The following CSNK1A1 variants were observed in gnomAD, a reference collection of about 807,000 sequenced individuals.
CSNK1A1 encodes casein kinase 1 alpha 1.
CSNK1A1 carries 7 observed loss-of-function variants against 46.1 expected under a neutral mutation model. The observed-to-expected ratio is 0.15, with a 90% CI of 0.09 to 0.29. The LOEUF is 0.29. CSNK1A1 is among the 10% of genes least tolerant of loss of function. The probability of loss-of-function intolerance (pLI) is 1.00; values close to 1 mark genes in which losing one functional copy is unlikely to be tolerated. For missense variants in CSNK1A1, 96 were observed against 417.1 expected, an observed-to-expected ratio of 0.23 and a Z score of 6.71; for synonymous variants, 137 against 141.5, an observed-to-expected ratio of 0.97 and a Z score of 0.23.
rs1761710909 is a variant in CSNK1A1, at chr5:149,525,789, AG to A, written c.231-619del. The stretch of plus-strand genomic sequence containing the variant: ...TGTATACAATGTGTCCCTAATAAGA[AG>A]TATCAACTGCCAATTTCATTTATCC... On this transcript the variant is annotated intron_variant, in intron 2 of 9. Transcript: ENST00000377843. The surrounding 1 kb of genome is among the most constrained non-coding windows in gnomAD (Gnocchi z 4.2). Among the ~76,000 whole-genome samples the A allele has an allele frequency of 6.6e-6, 1 of 152,234 alleles. No individual in the cohort carries two copies. Among genetic ancestry groups the A allele is most frequent in the Non-Finnish European group, 1.5e-5 (1 of 68,042 alleles).
chr5:149,539,868 T>C (rs1437338276), intron 2 of CSNK1A1, among the ~76,000 whole-genome samples: 1 of 152,164 alleles, frequency 6.6e-6, no homozygotes, highest in African/African-American at 2.4e-5. Flanking sequence ...ACATACTTTA[T>C]AAGAAACACC....
At chr5:149,528,616 A>G (rs1333730006) in intron 2 of CSNK1A1, among the ~76,000 whole-genome samples, 2 of 152,146 alleles carry the variant, frequency 1.3e-5, no homozygotes, top group African/African-American at 4.8e-5. Flanking sequence ...GCTTTTCTCT[A>G]CCTTCAATCC....
intron 7 of CSNK1A1, among the ~76,000 whole-genome samples, chr5:149,508,258 T>C (rs1346570430): frequency 1.3e-5 from 2 of 152,336 alleles, no homozygotes; most frequent in Admixed American, 6.5e-5. Context: ...GGGTGACCAC[T>C]TGAAACATAT....
chr5:149,538,455 A>C (rs1366502331), intron 2 of CSNK1A1, among the ~76,000 whole-genome samples: 5 of 152,204 alleles, frequency 3.3e-5, no homozygotes, highest in Non-Finnish European at 7.3e-5. Context: ...AGAGTCTCAA[A>C]CTATCAGAGC....
At chr5:149,533,015 T>C (rs1761948554) in intron 2 of CSNK1A1, among the ~76,000 whole-genome samples, 1 of 152,230 alleles carries the variant, frequency 6.6e-6, no homozygotes, top group African/African-American at 2.4e-5. Flanking sequence ...TCCCTCTTCT[T>C]GCTGCCTTGT....
Position 149,494,884 on chromosome 5 carries a change from C to G in CSNK1A1, c.*1969G>C, listed in dbSNP as rs1479486437. The G allele has an allele frequency of 6.6e-6, 1 of 152,170 alleles. No homozygotes were observed. Among genetic ancestry groups the G allele is most frequent in the Non-Finnish European group, 1.5e-5 (1 of 68,032 alleles). 9.4% of individuals were successfully genotyped at this position (152,170 alleles called of 1,614,324 possible). A position where few individuals can be genotyped will look rare whatever the true frequency, so the allele number is the denominator to read the frequency against. On this transcript the variant is annotated 3_prime_UTR_variant, in exon 10 of 10. Transcript: ENST00000377843. ...AAATATTTCAGAAAAAGTGCATAGT[C>G]TAAGTGCATAGTAAATAAAAGCACT...
Position 149,545,471 on chromosome 5 carries a change from G to T in CSNK1A1, c.230+4604C>A. On this transcript the variant is annotated intron_variant, in intron 2 of 9. Transcript: ENST00000377843. ...TGGAGCTGCAGCCTGGGCCTTGGTT[G>T]ATCCTTGGCCTTTGGCCCACACAGT... The T allele has an allele frequency of 1.1e-5, 6 of 547,700 alleles. 1 individual carries two copies. The South Asian group carries it at 1.4e-4, about 13-fold the overall frequency. The allele number at this position is 547,700 out of a possible 1,614,324, so 33.9% of individuals were successfully genotyped here.
At chr5:149,503,615 C>T in intron 9 of CSNK1A1, 1 of 985,144 alleles carries the variant, frequency 1.0e-6, no homozygotes, top group Non-Finnish European at 1.2e-6. Flanking sequence ...AGCTACAATA[C>T]AAAATAAGGA....
In CSNK1A1 at chr5:149,500,177, G is replaced by A. The variant is rs1234110358; in HGVS notation, c.1007-3317C>T. Among the ~76,000 whole-genome samples, 15 of 117,832 alleles carry A rather than the reference G, an allele frequency of 1.3e-4. No individual in the cohort carries two copies. In the Admixed American group the frequency reaches 1.3e-3, roughly 10 times the overall value. 77.3% of individuals were successfully genotyped at this position (117,832 alleles called of 152,430 possible). On this transcript the variant is annotated intron_variant, in intron 9 of 9. Coordinates refer to ENST00000377843, the MANE Select transcript of CSNK1A1 (RefSeq NM_001892.6). ...TTTTGAGATGGAGTCTTGCTCTGTC[G>A]CCCAGGCTGGAGTGCAGTGGCGCGA...
chr5:149,535,946 A>G (rs1762048978), intron 2 of CSNK1A1, among the ~76,000 whole-genome samples: 1 of 151,684 alleles, frequency 6.6e-6, no homozygotes, highest in African/African-American at 2.4e-5. Flanking sequence ...ACACCCAGCC[A>G]CCAAATGGCT....
At chr5:149,544,737 T>TTATATA (rs375444306) in intron 2 of CSNK1A1, among the ~76,000 whole-genome samples, 3,182 of 80,702 alleles carry the variant, frequency 0.039, 214 homozygotes, top group East Asian at 0.17. Flanking sequence ...GTAAAGAGCT[T>TTATATA]TATATATATA....
chr5:149,528,303 T>C (rs554027977), intron 2 of CSNK1A1, among the ~76,000 whole-genome samples: 1 of 152,348 alleles, frequency 6.6e-6, no homozygotes, highest in South Asian at 2.1e-4. Flanking sequence ...TTTTACCTTG[T>C]GGAGCAACCA....
intron 2 of CSNK1A1, among the ~76,000 whole-genome samples, chr5:149,547,872 GTTTT>G (rs1293139845): frequency 6.7e-6 from 1 of 149,774 alleles, no homozygotes; most frequent in Non-Finnish European, 1.5e-5. Flanking sequence ...TTTTTGTTGT[GTTTT>G]TTTGTGTTTT....
chr5:149,528,584 G>A (rs1761791748), intron 2 of CSNK1A1, among the ~76,000 whole-genome samples: 1 of 152,082 alleles, frequency 6.6e-6, no homozygotes, highest in Non-Finnish European at 1.5e-5. Flanking sequence ...TCACCTCCAT[G>A]CTTCCCACGT....
rs375208560 is a variant in CSNK1A1, at chr5:149,493,061, G to A, written c.*3792C>T. The A allele has an allele frequency of 2.6e-5, 4 of 152,280 alleles. No homozygotes were observed. The highest frequency in any genetic ancestry group is 9.6e-5 in the African/African-American group (4 of 41,572). The allele number at this position is 152,280 out of a possible 1,614,324, so 9.4% of individuals were successfully genotyped here. A position where few individuals can be genotyped will look rare whatever the true frequency, so the allele number is the denominator to read the frequency against. ...CTTCAAGTGGCTCCTGTGCCCTTTT[G>A]ACATGTATCCACCTTTTTGTTGTTG... On this transcript the variant is annotated 3_prime_UTR_variant, in exon 10 of 10. Coordinates refer to ENST00000377843, the MANE Select transcript of CSNK1A1 (RefSeq NM_001892.6).
At chr5:149,533,467 T>C (rs1297317770) in intron 2 of CSNK1A1, among the ~76,000 whole-genome samples, 3 of 152,166 alleles carry the variant, frequency 2.0e-5, no homozygotes, top group African/African-American at 7.2e-5. Flanking sequence ...GGCTGAAGTC[T>C]GGTGCTCACA....
rs114805449 is a variant in CSNK1A1, at chr5:149,526,780, G to C, written c.231-1609C>G. On this transcript the variant is annotated intron_variant, in intron 2 of 9. Transcript: ENST00000377843. ...ATTTCAGGCATAGCACCTGAGAAAG[G>C]GGGGGGAGCCTCAAATCAGTCAGCT... Among the ~76,000 whole-genome samples, 1,475 of 150,062 alleles carry C rather than the reference G, an allele frequency of 9.8e-3. 19 individuals carry two copies. Among genetic ancestry groups the C allele is most frequent in the African/African-American group, 0.035 (1,371 of 39,568 alleles).
At chr5:149,503,966 G>C in intron 9 of CSNK1A1, 3 of 985,422 alleles carry the variant, frequency 3.0e-6, no homozygotes, top group Non-Finnish European at 3.6e-6. Context: ...GTTGTCAGGT[G>C]TAACAAGTCC....
At position 149,551,124 on chromosome 5, in the gene CSNK1A1, G is replaced by A. The variant is rs893073838; in HGVS notation, c.-160C>T. The A allele has an allele frequency of 1.3e-5, 9 of 687,156 alleles. No homozygotes were observed. The highest frequency in any genetic ancestry group is 2.8e-5 in the East Asian group (1 of 35,960). 42.6% of individuals were successfully genotyped at this position (687,156 alleles called of 1,614,324 possible). ...GTTCGGGGCCCAGAATCAGCAGAGG[G>A]GAACCTGATCACCGCCGCTCAGTCA... On this transcript the variant is annotated 5_prime_UTR_variant, in exon 1 of 10. Transcript: ENST00000377843.
Sources: allele counts gnomAD v4.1 joint callset (sites outside exome capture counted in the v4.1 genomes callset), GRCh38; gene constraint gnomAD v4.1.1; non-coding constraint Gnocchi (gnomAD v3.1); transcripts MANE v1.5; gene names NCBI Gene and HGNC (gene_info 2026-07-23, HGNC 2026-07-21).